CATSPERB: variants seen among roughly 807,000 people sequenced by gnomAD.
CATSPERB encodes the protein cation channel sperm-associated auxiliary subunit beta.
CATSPERB carries 93 observed loss-of-function variants against 128.3 expected under a neutral mutation model. That is an observed-to-expected ratio of 0.72 (90% CI 0.61 to 0.86). CATSPERB has a LOEUF of 0.86. Ranked by LOEUF, CATSPERB falls within the 40% of genes least tolerant of loss-of-function variation. CATSPERB has a pLI of 0.00. For missense variants in CATSPERB, 1,153 were observed against 1,329.5 expected (o/e 0.87, Z 2.06); for synonymous variants, 381 against 448.8 (o/e 0.85, Z 1.91).
chr14:91,693,993 C>T (rs1895515738), intron 7 of CATSPERB, among the ~76,000 whole-genome samples: 1 of 152,176 alleles, frequency 6.6e-6, no homozygotes, highest in Non-Finnish European at 1.5e-5. Flanking sequence ...TTTCTAGTCA[C>T]AACTTCCTTA....
At chr14:91,675,986 C>T (rs1895186920) in intron 11 of CATSPERB, among the ~76,000 whole-genome samples, 1 of 152,268 alleles carries the variant, frequency 6.6e-6, no homozygotes, top group African/African-American at 2.4e-5. Context: ...TTTAAACAGT[C>T]CCAACTCCAA....
chr14:91,709,063 T>C (rs1895786538), intron 5 of CATSPERB: 1 of 152,298 alleles, frequency 6.6e-6, no homozygotes, highest in Non-Finnish European at 1.5e-5. Flanking sequence ...CAGGCCCTCA[T>C]GTCCACCCAG....
At chr14:91,650,259 A>G (rs1224410847) in intron 15 of CATSPERB, among the ~76,000 whole-genome samples, 1 of 152,088 alleles carries the variant, frequency 6.6e-6, no homozygotes, top group Non-Finnish European at 1.5e-5. Flanking sequence ...GGTGCAATAC[A>G]TGTTGAGTTT....
intron 14 of CATSPERB, among the ~76,000 whole-genome samples, chr14:91,668,841 T>C (rs1053324968): frequency 6.6e-6 from 1 of 151,924 alleles, no homozygotes; most frequent in African/African-American, 2.4e-5. Context: ...TCTGGACACA[T>C]CTGAACATCT....
intron 17 of CATSPERB, among the ~76,000 whole-genome samples, chr14:91,625,617 G>A (rs1366656810): frequency 6.6e-6 from 1 of 151,946 alleles, no homozygotes; most frequent in Non-Finnish European, 1.5e-5. Flanking sequence ...GTGGAAAAAT[G>A]TTAAAATGCA....
intron 6 of CATSPERB, among the ~76,000 whole-genome samples, chr14:91,705,970 A>G (rs1895725770): frequency 6.6e-6 from 1 of 152,226 alleles, no homozygotes; most frequent in Non-Finnish European, 1.5e-5. Flanking sequence ...ATGAGAAAAA[A>G]AAGAGTACAA....
chr14:91,683,881 A>G lies in CATSPERB; in HGVS notation c.927T>C (p.Phe309=). The stretch of plus-strand genomic sequence containing the variant: ...ATATCTTTAACCAAAATTTACCTTC[A>G]AAGTGCTCTCTGTTAGCAAAACATC... ...NERCFANREH[F]EVDYVTVTFE... Residue 309 remains phenylalanine (F), a synonymous_variant, in exon 11 of 27, where the codon TTT becomes TTC. Transcript: ENST00000256343. 1.2e-6 allele frequency: 2 copies of G among 1,602,286 alleles called. No individual in the cohort carries two copies. Among genetic ancestry groups the G allele is most frequent in the Non-Finnish European group, 1.7e-6 (2 of 1,174,170 alleles).
intron 15 of CATSPERB, among the ~76,000 whole-genome samples, chr14:91,652,253 A>G (rs1182051320): frequency 5.3e-5 from 8 of 152,156 alleles, no homozygotes; most frequent in Non-Finnish European, 1.0e-4. Context: ...AAAGTAACTC[A>G]AATCAAAACT....
intron 5 of CATSPERB, among the ~76,000 whole-genome samples, chr14:91,718,315 T>G (rs1489275229): frequency 6.6e-6 from 1 of 152,238 alleles, no homozygotes; most frequent in African/African-American, 2.4e-5. Flanking sequence ...GTTATGGCAC[T>G]GGCGCATCTA....
rs540072014 is a variant in CATSPERB, at chr14:91,587,072, A to G, written c.3132+130T>C. The stretch of plus-strand genomic sequence containing the variant: ...GACAGGGTCAATGCTACCCTTCAGG[A>G]TCCCCTGTCTTTAAGCCTTGTCCAT... On this transcript the variant is annotated intron_variant, in intron 26 of 26. Coordinates refer to ENST00000256343, the MANE Select transcript of CATSPERB (RefSeq NM_024764.4). 1,518 of 656,288 alleles carry G rather than the reference A, an allele frequency of 2.3e-3. 5 individuals are homozygous for G. Among genetic ancestry groups the G allele is most frequent in the Non-Finnish European group, 3.3e-3 (1,291 of 388,664 alleles). The allele number at this position is 656,288 out of a possible 1,614,324, so 40.7% of individuals were successfully genotyped here.
At chr14:91,606,158 A>T (rs1893698740) in intron 22 of CATSPERB, among the ~76,000 whole-genome samples, 1 of 152,094 alleles carries the variant, frequency 6.6e-6, no homozygotes, top group Non-Finnish European at 1.5e-5. Context: ...CCTGGGCGAC[A>T]GAGCAAGACT....
intron 26 of CATSPERB, among the ~76,000 whole-genome samples, chr14:91,582,965 G>A (rs983129403): frequency 2.0e-5 from 3 of 152,234 alleles, no homozygotes; most frequent in Admixed American, 6.5e-5. Context: ...CAAGGCCCAG[G>A]TGGAGGATGT....
At chr14:91,614,292 C>CTT (rs2139780432) in intron 20 of CATSPERB, among the ~76,000 whole-genome samples, 1 of 90,104 alleles carries the variant, frequency 1.1e-5, no homozygotes, top group African/African-American at 3.3e-5. Flanking sequence ...TTCTCTAGGG[C>CTT]TCACACTTTT....
chr14:91,708,218 T>C lies in CATSPERB; in HGVS notation c.389A>G (p.Glu130Gly), dbSNP rs962775263. 2 of 1,605,964 alleles carry C rather than the reference T, an allele frequency of 1.2e-6. No homozygotes were observed. The highest frequency in any genetic ancestry group is 1.7e-5 in the Admixed American group (1 of 59,216). ...TQSTDIAAVE[E>G]WLVRITLHHG... Reference sequence around the variant, plus strand: ...ATGTAAAGTGATTCTTACTAACCATTCTTCTACAGCTGCAATATCTGTTTG... The same window carrying C: ...ATGTAAAGTGATTCTTACTAACCATCCTTCTACAGCTGCAATATCTGTTTG... Residue 130 changes from glutamate (E) to glycine (G), a missense_variant, in exon 6 of 27, where the codon GAA (glutamate) becomes GGA (glycine). Coordinates refer to ENST00000256343, the MANE Select transcript of CATSPERB (RefSeq NM_024764.4).
intron 19 of CATSPERB, among the ~76,000 whole-genome samples, chr14:91,620,205 GGAAAACTCTGGT>G: frequency 6.6e-6 from 1 of 152,190 alleles, no homozygotes; most frequent in Non-Finnish European, 1.5e-5. Context: ...TGCTGCTTTA[GGAAAACTCTGGT>G]GGACAGAGTT....
At position 91,644,112 on chromosome 14, in the gene CATSPERB, G is replaced by A. The variant is rs1281918277; in HGVS notation, c.1433-4862C>T. Reference sequence around the variant, plus strand: ...TTTGAGCCTATGTGTGTCTCTGCACGTGAGATGGGTTTCCTGAATACAGCA... The same window carrying A: ...TTTGAGCCTATGTGTGTCTCTGCACATGAGATGGGTTTCCTGAATACAGCA... On this transcript the variant is annotated intron_variant, in intron 15 of 26. Transcript: ENST00000256343. Among the ~76,000 whole-genome samples the A allele has an allele frequency of 3.7e-4, 49 of 133,942 alleles. 1 individual carries two copies. The highest frequency in any genetic ancestry group is 2.8e-4 in the South Asian group (1 of 3,558). The allele number at this position is 133,942 out of a possible 152,430, so 87.9% of individuals were successfully genotyped here. A position where few individuals can be genotyped will look rare whatever the true frequency, so the allele number is the denominator to read the frequency against.
intron 18 of CATSPERB, among the ~76,000 whole-genome samples, chr14:91,623,768 T>A (rs561658573): frequency 6.6e-6 from 1 of 152,350 alleles, no homozygotes; most frequent in South Asian, 2.1e-4. Flanking sequence ...CACTTTCTGC[T>A]TAACCCTCCA....
At position 91,693,218 on chromosome 14, in the gene CATSPERB, T is replaced by C. The variant is rs1244074609; in HGVS notation, c.739A>G (p.Met247Val). 3.1e-6 allele frequency: 5 copies of C among 1,613,464 alleles called. No individual in the cohort carries two copies. The highest frequency in any genetic ancestry group is 1.3e-5 in the African/African-American group (1 of 75,050). The change falls in exon 9 of 27, where the codon ATG becomes GTG. Residue 247 changes from methionine (M) to valine (V), a missense_variant. Met to Val is a conservative substitution (Grantham distance 21, BLOSUM62 1). Transcript: ENST00000256343. ...ACTAAAAAATGATTCGTTAAAACCA[T>C]ATCCACCAATGAAAGGTCTTCATAT... is the stretch of plus-strand genomic sequence containing the variant. ...EEYEDLSLVDMVLTNHFLVIL... is the reference protein window; with the variant it reads ...EEYEDLSLVDVVLTNHFLVIL...
At chr14:91,704,735 G>T in intron 6 of CATSPERB, 34 bp from the exon 7 acceptor site, 1 of 1,596,800 alleles carries the variant, frequency 6.3e-7, no homozygotes, top group Non-Finnish European at 8.5e-7. Flanking sequence ...TTAAATTGTG[G>T]GAGCACCCTT....
Sources: gnomAD v4.1 joint callset for allele counts (sites outside exome capture counted in the v4.1 genomes callset) on GRCh38, gnomAD v4.1.1 for gene constraint, MANE v1.5 for transcripts, NCBI Gene and HGNC (gene_info 2026-07-23, HGNC 2026-07-21) for gene names.